SUGP1: variants seen among roughly 807,000 people sequenced by gnomAD.
SUGP1 encodes the protein SURP and G-patch domain containing 1, also known as SURP and G-patch domain-containing protein 1.
A neutral mutation model predicts 76.5 loss-of-function variants in SUGP1; 34 were observed. That is an observed-to-expected ratio of 0.44 (90% CI 0.34 to 0.59). The LOEUF is 0.59. Among genes scored for constraint, SUGP1 ranks in the 20% least tolerant of loss-of-function variants. The pLI is 0.01. For missense variants in SUGP1, 752 were observed against 851.7 expected (o/e 0.88, Z 1.46); for synonymous variants, 326 against 326.2 (o/e 1.00, Z 0.01).
chr19:19,316,560 G>T lies in SUGP1; in HGVS notation c.68C>A (p.Pro23His). The T allele has an allele frequency of 6.2e-7, 1 of 1,613,856 alleles. No individual in the cohort carries two copies. The highest frequency in any genetic ancestry group is 1.7e-5 in the Admixed American group (1 of 59,944). The change falls in exon 2 of 14, where the codon CCT (proline) becomes CAT (histidine). Residue 23 changes from proline to histidine, a missense_variant. Around this residue, in one of 2 missense-constraint regions of SUGP1, gnomAD observed 620 missense variants for 617.3 expected, o/e 1.00. Transcript: ENST00000247001. ...GTTCATGTTCATTTTTCCAGATTTA[G>T]GGGGAGCAACCCCAAACCACCGGTT... ...KANRWFGVAP[P>H]KSGKMNMNIL...
At chr19:19,308,884 G>A (rs1469943164) in intron 3 of SUGP1, among the ~76,000 whole-genome samples, 1 of 136,462 alleles carries the variant, frequency 7.3e-6, no homozygotes, top group African/African-American at 2.8e-5. Flanking sequence ...TTTTTTTTTT[G>A]AGACGAAGTC....
intron 1 of SUGP1, among the ~76,000 whole-genome samples, chr19:19,317,679 G>C (rs893420652): frequency 6.6e-6 from 1 of 151,890 alleles, no homozygotes. Context: ...CACCTCACTT[G>C]GCTAATTTTT....
chr19:19,320,489 A>C lies in SUGP1; in HGVS notation c.8T>G (p.Leu3Arg). 2 of 1,609,994 alleles carry C rather than the reference A, an allele frequency of 1.2e-6. No homozygotes were observed. Among genetic ancestry groups the C allele is most frequent in the Non-Finnish European group, 1.7e-6 (2 of 1,178,558 alleles). The change falls in exon 1 of 14, where the codon CTC (leucine) becomes CGC (arginine). Residue 3 changes from leucine (L) to arginine (R), a missense_variant. Leu to Arg is a moderately radical substitution (Grantham distance 102). Coordinates refer to ENST00000247001, the MANE Select transcript of SUGP1 (RefSeq NM_172231.4). MS[L>R]KMDNRDVAGK... ...TGCAACATCCCGGTTGTCCATCTTG[A>C]GACTCATCCAATCCCACAATGCTCC...
At chr19:19,292,630 A>G (rs759141278) in intron 8 of SUGP1, among the ~76,000 whole-genome samples, 1 of 152,138 alleles carries the variant, frequency 6.6e-6, no homozygotes, top group Non-Finnish European at 1.5e-5. Flanking sequence ...GCGCTACTGC[A>G]CTCCAGCCTG....
At chr19:19,290,006 C>T (rs2061169435) in intron 8 of SUGP1, among the ~76,000 whole-genome samples, 1 of 152,060 alleles carries the variant, frequency 6.6e-6, no homozygotes, top group African/African-American at 2.4e-5. Flanking sequence ...CCCCTAATCT[C>T]GGTGGGTGTG....
rs1356801963 is a variant in SUGP1 at position 19,276,961 on chromosome 19, G to T, written c.1897C>A (p.Arg633=). The change falls in exon 13 of 14, where the codon CGG becomes AGG. Residue 633 remains arginine, a synonymous_variant. Transcript: ENST00000247001. The part of the protein sequence containing the change: ...RKRMMLAYRF[R]PNPLNNPRRP... ...GACATGCGTACCAGGGGGTTGGGCC[G>T]GAAGCGGTAGGCCAGCATCATCCTC... The T allele has an allele frequency of 6.2e-7, 1 of 1,613,078 alleles. No individual in the cohort carries two copies. The highest frequency in any genetic ancestry group is 1.1e-5 in the South Asian group (1 of 91,090).
At chr19:19,296,193 A>C (rs1418419446) in intron 8 of SUGP1, among the ~76,000 whole-genome samples, 9 of 152,130 alleles carry the variant, frequency 5.9e-5, no homozygotes, top group African/African-American at 2.2e-4. Flanking sequence ...GGATACAGAA[A>C]AAGTGGAACC....
intron 12 of SUGP1, among the ~76,000 whole-genome samples, chr19:19,277,315 C>G (rs972507807): frequency 6.6e-6 from 1 of 151,302 alleles, no homozygotes; most frequent in Non-Finnish European, 1.5e-5. Context: ...TGCAAGTTGT[C>G]GCAGCTCTTG....
rs1262663327 is a variant in SUGP1, at chr19:19,303,744, G to A, written c.642C>T (p.Tyr214=). Residue 214 remains tyrosine (Y), a synonymous_variant, in exon 5 of 14, where the codon TAC becomes TAT. Coordinates refer to ENST00000247001, the MANE Select transcript of SUGP1 (RefSeq NM_172231.4). The stretch of plus-strand genomic sequence containing the variant: ...CTCACGCAAATGCTGGGTTATCCTT[G>A]TAGTCCTCCATAGCTACTTTTTCTA... ...PELEKVAMED[Y]KDNPAFAFLH... 2.5e-6 allele frequency: 4 copies of A among 1,614,202 alleles called. No homozygotes were observed. The highest frequency in any genetic ancestry group is 2.2e-5 in the East Asian group (1 of 44,890).
Position 19,297,068 on chromosome 19 carries a change from C to A in SUGP1, c.1164G>T (p.Gly388=), listed in dbSNP as rs755934845. 5.6e-6 allele frequency: 9 copies of A among 1,613,184 alleles called. No homozygotes were observed. Among genetic ancestry groups the A allele is most frequent in the Non-Finnish European group, 6.8e-6 (8 of 1,179,938 alleles). The part of the protein sequence containing the change: ...TVKRKRKSRW[G]PEEDKVELPP... ...GGAGCTCTACCTTATCCTCTTCAGG[C>A]CCCCACCGGCTCTTCCGCTTCCTCT... Residue 388 remains glycine (G), a synonymous_variant, in exon 8 of 14, where the codon GGG becomes GGT. Transcript: ENST00000247001.
chr19:19,318,671 C>A (rs530287853), intron 1 of SUGP1, among the ~76,000 whole-genome samples: 2 of 152,252 alleles, frequency 1.3e-5, no homozygotes, highest in South Asian at 4.1e-4. Flanking sequence ...CTCAAGGGAG[C>A]CTCCCATTTA....
At chr19:19,302,520 G>C (rs2061280107) in intron 6 of SUGP1, 132 bp from the exon 7 acceptor site, 3 of 1,303,268 alleles carry the variant, frequency 2.3e-6, no homozygotes, top group African/African-American at 1.5e-5. Context: ...ATGGGAATCA[G>C]ATTACTACAC....
At chr19:19,304,644 T>C (rs960033320) in intron 4 of SUGP1, among the ~76,000 whole-genome samples, 1 of 152,230 alleles carries the variant, frequency 6.6e-6, no homozygotes, top group South Asian at 2.1e-4. Flanking sequence ...CCTTGGCCTG[T>C]TTCTGAGGCT....
chr19:19,276,831 G>A, intron 13 of SUGP1, 116 bp downstream of exon 13: 1 of 1,548,804 alleles, frequency 6.5e-7, no homozygotes, highest in Non-Finnish European at 8.7e-7. Context: ...GTGGGTGGTA[G>A]GGGGCTCGCT....
chr19:19,319,127 C>T (rs957003992), intron 1 of SUGP1, among the ~76,000 whole-genome samples: 3 of 152,040 alleles, frequency 2.0e-5, no homozygotes, highest in African/African-American at 7.2e-5. Flanking sequence ...GAGGCTGAGG[C>T]AGAAGAATGG....
intron 4 of SUGP1, 143 bp downstream of exon 4, chr19:19,305,706 C>T (rs903044306): frequency 1.3e-6 from 1 of 784,628 alleles, no homozygotes; most frequent in African/African-American, 1.8e-5. Flanking sequence ...CTCAGAGGGC[C>T]TGAGGCTCAG....
At chr19:19,301,439 C>T (rs2061270745) in intron 7 of SUGP1, among the ~76,000 whole-genome samples, 1 of 152,198 alleles carries the variant, frequency 6.6e-6, no homozygotes, top group South Asian at 2.1e-4. Flanking sequence ...TGTCTGCCCA[C>T]CCTCCACGAC....
rs1340426570 is a variant in SUGP1, at chr19:19,277,813, G to A, written c.1702C>T (p.Gln568Ter). The part of the protein sequence containing the change: ...FKLTVENIGY[Q>*]MLMKMGWKEG... ...TTCCAGCCCATCTTCATCAGCATCT[G>A]GTAGCCGATGTTCTCCACAGTCAGC... Residue 568 changes from glutamine (Q) to a stop codon, truncating the protein, a stop_gained, in exon 12 of 14, where the codon CAG becomes TAG. Coordinates refer to ENST00000247001, the MANE Select transcript of SUGP1 (RefSeq NM_172231.4). LOFTEE classifies it high-confidence loss of function. 1 of 1,614,022 alleles carries A rather than the reference G, an allele frequency of 6.2e-7. No homozygotes were observed. Among genetic ancestry groups the A allele is most frequent in the Admixed American group, 1.7e-5 (1 of 60,000 alleles).
At position 19,277,055 on chromosome 19, in the gene SUGP1, G is replaced by A. The variant is rs1336960304; in HGVS notation, c.1803C>T (p.Gly601=). The stretch of plus-strand genomic sequence containing the variant: ...CCGGCCGGTCAATGCCGAAGCCAGC[G>A]CCGTCCACTGTGGTGGTGCCCCTAC... ...PVNKGTTTVD[G]AGFGIDRPAE... Residue 601 remains glycine, a synonymous_variant, in exon 13 of 14, where the codon GGC becomes GGT. Coordinates refer to ENST00000247001, the MANE Select transcript of SUGP1 (RefSeq NM_172231.4). 10 of 1,611,334 alleles carry A rather than the reference G, an allele frequency of 6.2e-6. No individual in the cohort carries two copies. The highest frequency in any genetic ancestry group is 1.1e-5 in the South Asian group (1 of 90,938).
Sources: gnomAD v4.1 joint callset for allele counts (sites outside exome capture counted in the v4.1 genomes callset) on GRCh38, gnomAD v4.1.1 for gene constraint, gnomAD v4.1.1 regional missense constraint, MANE v1.5 for transcripts, NCBI Gene and HGNC (gene_info 2026-07-23, HGNC 2026-07-21) for gene names.